EXOC6B: variants seen among roughly 807,000 people sequenced by gnomAD.
The protein encoded by EXOC6B is exocyst complex component 6B.
Under a neutral mutation model 113.5 loss-of-function variants are expected in EXOC6B, and 54 were observed. The observed-to-expected ratio is 0.48, with a 90% CI of 0.38 to 0.60. The LOEUF (loss-of-function observed/expected upper bound fraction) is 0.60, where lower values mean the gene tolerates loss of function less well. Among genes scored for constraint, EXOC6B ranks in the 20% least tolerant of loss-of-function variants. The pLI is 0.00. For missense variants in EXOC6B, 797 were observed against 977.5 expected (o/e 0.82, Z 2.46); for synonymous variants, 357 against 339.0 (o/e 1.05, Z -0.58).
intron 19 of EXOC6B, among the ~76,000 whole-genome samples, chr2:72,368,566 G>A (rs1013104826): frequency 6.6e-6 from 1 of 152,108 alleles, no homozygotes; most frequent in East Asian, 1.9e-4. Context: ...AACAAAAAAA[G>A]AGAATTTTAG....
chr2:72,378,912 T>C (rs901025732), intron 19 of EXOC6B, among the ~76,000 whole-genome samples: 26 of 152,234 alleles, frequency 1.7e-4, no homozygotes, highest in Non-Finnish European at 5.9e-5. Flanking sequence ...ATGCCAATAA[T>C]GATGCTCCTA....
At chr2:72,787,148 C>G (rs958358292) in intron 1 of EXOC6B, among the ~76,000 whole-genome samples, 1 of 152,092 alleles carries the variant, frequency 6.6e-6, no homozygotes, top group Non-Finnish European at 1.5e-5. Context: ...ATGAATTCAT[C>G]TCAGAAAACC....
At chr2:72,345,191 A>G (rs547452321) in intron 19 of EXOC6B, among the ~76,000 whole-genome samples, 1 of 152,308 alleles carries the variant, frequency 6.6e-6, no homozygotes, top group East Asian at 1.9e-4. Context: ...AGCTTTTTAT[A>G]GACTCTGCAG....
At chr2:72,311,881 A>T (rs1368645710) in intron 20 of EXOC6B, among the ~76,000 whole-genome samples, 1 of 152,212 alleles carries the variant, frequency 6.6e-6, no homozygotes, top group Admixed American at 6.5e-5. Flanking sequence ...ATAGGCTTAG[A>T]CTAGATCTAA....
At chr2:72,373,655 T>A (rs1282668715) in intron 19 of EXOC6B, among the ~76,000 whole-genome samples, 1 of 152,202 alleles carries the variant, frequency 6.6e-6, no homozygotes, top group African/African-American at 2.4e-5. Flanking sequence ...AACAGGTATA[T>A]GAAAAGGTGC....
chr2:72,561,830 A>T (rs1052527290), intron 7 of EXOC6B, among the ~76,000 whole-genome samples: 2 of 152,150 alleles, frequency 1.3e-5, no homozygotes, highest in African/African-American at 4.8e-5. Flanking sequence ...ATCAGCTTCA[A>T]ACTGGCTAAA....
chr2:72,666,647 G>A (rs1409398284), intron 6 of EXOC6B, among the ~76,000 whole-genome samples: 1 of 152,002 alleles, frequency 6.6e-6, no homozygotes, highest in African/African-American at 2.4e-5. Context: ...CCACCAAAAG[G>A]CTCCTGGAAG....
chr2:72,534,066 T>A (rs190047995), intron 8 of EXOC6B, among the ~76,000 whole-genome samples: 3 of 152,112 alleles, frequency 2.0e-5, no homozygotes, highest in Non-Finnish European at 2.9e-5. Flanking sequence ...CAGATTGGCA[T>A]AGTGAGACTC....
intron 1 of EXOC6B, among the ~76,000 whole-genome samples, chr2:72,811,228 T>C (rs186615954): frequency 7.5e-4 from 114 of 152,230 alleles, no homozygotes; most frequent in African/African-American, 2.6e-3. Context: ...TGAGAATCTC[T>C]TGAGCCTGGA....
intron 6 of EXOC6B, among the ~76,000 whole-genome samples, chr2:72,625,328 CATTT>C (rs1195109659): frequency 5.9e-5 from 9 of 151,896 alleles, no homozygotes; most frequent in African/African-American, 2.2e-4. Context: ...AACATTTATT[CATTT>C]ATCAAATTCT....
At chr2:72,671,096 T>C (rs1055166938) in intron 6 of EXOC6B, among the ~76,000 whole-genome samples, 1 of 152,082 alleles carries the variant, frequency 6.6e-6, no homozygotes. Context: ...TCCAGAACAC[T>C]GGATGGACAA....
intron 18 of EXOC6B, among the ~76,000 whole-genome samples, chr2:72,385,280 G>A (rs1691934178): frequency 6.6e-6 from 1 of 151,936 alleles, no homozygotes; most frequent in African/African-American, 2.4e-5. Flanking sequence ...TCAATAAATG[G>A]TGCTGAGGAA....
rs201549710 is a variant in EXOC6B, at chr2:72,580,087, C to CA, written c.670-4420dup. On this transcript the variant is annotated intron_variant, in intron 6 of 21. Coordinates refer to ENST00000272427, the MANE Select transcript of EXOC6B (RefSeq NM_015189.3). ...AACAAACAACAACAACAACGAAAAACAAAAAAAAGCAAGCTTTACCTATCT... is the reference window on the plus strand; with the variant it reads ...AACAAACAACAACAACAACGAAAAACAAAAAAAAAGCAAGCTTTACCTATCT... Among the ~76,000 whole-genome samples, 748 of 138,058 alleles carry CA rather than the reference C, an allele frequency of 5.4e-3. 9 individuals are homozygous for CA. The highest frequency in any genetic ancestry group is 0.029 in the Admixed American group (401 of 14,004). The allele number at this position is 138,058 out of a possible 152,430, so 90.6% of individuals were successfully genotyped here. A position where few individuals can be genotyped will look rare whatever the true frequency, so the allele number is the denominator to read the frequency against.
intron 8 of EXOC6B, among the ~76,000 whole-genome samples, chr2:72,532,636 C>T (rs1218266991): frequency 2.6e-5 from 4 of 151,898 alleles, no homozygotes; most frequent in Admixed American, 1.3e-4. Context: ...GGGGAAACCC[C>T]GTCTCTACTA....
intron 8 of EXOC6B, among the ~76,000 whole-genome samples, chr2:72,554,455 G>A (rs761219836): frequency 1.8e-4 from 28 of 152,168 alleles, no homozygotes; most frequent in Admixed American, 1.3e-4. Context: ...TTTCCCCCAT[G>A]CTGTTCTCAT....
intron 6 of EXOC6B, among the ~76,000 whole-genome samples, chr2:72,715,901 T>C (rs1679582306): frequency 6.6e-6 from 1 of 152,096 alleles, no homozygotes; most frequent in African/African-American, 2.4e-5. Flanking sequence ...CATGGGCCAT[T>C]GGACTGTTGC....
intron 1 of EXOC6B, among the ~76,000 whole-genome samples, chr2:72,814,905 G>C (rs1414970376): frequency 6.6e-6 from 1 of 152,030 alleles, no homozygotes; most frequent in African/African-American, 2.4e-5. Context: ...GCAGGAGAAT[G>C]GCATGAATCC....
At chr2:72,292,355 C>G (rs1200639907) in intron 20 of EXOC6B, among the ~76,000 whole-genome samples, 1 of 152,058 alleles carries the variant, frequency 6.6e-6, no homozygotes, top group Non-Finnish European at 1.5e-5. Context: ...CTGAAATAGG[C>G]TCACAAGTAG....
At chr2:72,482,233 T>TA (rs1699142532) in intron 16 of EXOC6B, among the ~76,000 whole-genome samples, 1 of 152,160 alleles carries the variant, frequency 6.6e-6, no homozygotes, top group Admixed American at 6.5e-5. Context: ...CTACTGTCTG[T>TA]AAAAAGAAGA....
Sources: allele counts gnomAD v4.1 joint callset (sites outside exome capture counted in the v4.1 genomes callset), GRCh38; gene constraint gnomAD v4.1.1; transcripts MANE v1.5; gene names NCBI Gene and HGNC (gene_info 2026-07-23, HGNC 2026-07-21).